STAG2: variants seen among roughly 807,000 people sequenced by gnomAD.
STAG2 encodes the protein STAG2 cohesin complex component.
STAG2 carries 14 observed loss-of-function variants against 108.1 expected under a neutral mutation model. The observed-to-expected ratio is 0.13, with a 90% CI of 0.09 to 0.20. The LOEUF (loss-of-function observed/expected upper bound fraction) is 0.20, where lower values mean the gene tolerates loss of function less well. Among genes scored for constraint, STAG2 ranks in the 10% least tolerant of loss-of-function variants. The probability of loss-of-function intolerance (pLI) is 1.00; values close to 1 mark genes in which losing one functional copy is unlikely to be tolerated. For synonymous variants in STAG2, 307 were observed against 302.7 expected (o/e 1.01, Z -0.15); for missense variants, 440 against 940.9 (o/e 0.47, Z 6.96).
At chrX:123,988,669 A>G (rs1262098894) in intron 1 of STAG2, among the ~76,000 whole-genome samples, 1 of 111,901 alleles carries the variant, frequency 8.9e-6, no homozygotes, top group Non-Finnish European at 1.9e-5. Context: ...TTCCATAAAA[A>G]AGACTGGTTG....
At chrX:124,055,874 G>A (rs2058181293) in intron 13 of STAG2, among the ~76,000 whole-genome samples, 1 of 111,535 alleles carries the variant, frequency 9.0e-6, no homozygotes, top group Admixed American at 9.5e-5. Context: ...TTTTCTGTTA[G>A]CATCCATGTG....
At chrX:124,036,044 ATTTCT>A (rs761319084) in intron 5 of STAG2, among the ~76,000 whole-genome samples, 86 of 112,542 alleles carry the variant, frequency 7.6e-4, no homozygotes, top group African/African-American at 2.6e-3. Flanking sequence ...TACTGAGCAC[ATTTCT>A]TTTGTAAATT....
At chrX:124,022,953 A>G (rs1250225972) in intron 3 of STAG2, among the ~76,000 whole-genome samples, 2 of 112,175 alleles carry the variant, frequency 1.8e-5, no homozygotes, top group Non-Finnish European at 3.8e-5. Context: ...TGCAATAGCA[A>G]CTGTTTTGAG....
chrX:124,022,893 G>A (rs1184205062), intron 3 of STAG2, among the ~76,000 whole-genome samples: 1 of 111,892 alleles, frequency 8.9e-6, no homozygotes, highest in Non-Finnish European at 1.9e-5. Context: ...TAGTTTACAT[G>A]CTGCAGTTTA....
chrX:124,100,638 A>G lies in STAG2; in HGVS notation c.*41A>G, dbSNP rs1475960121. ...AAATCTGTGGTGAAGTCATTTTCTA[A>G]GTGGAAGAGGAAATTTTAAAGTGTG... On this transcript the variant is annotated 3_prime_UTR_variant, in exon 35 of 35. Transcript: ENST00000371145. 4 of 1,103,713 alleles carry G rather than the reference A, an allele frequency of 3.6e-6. No homozygotes were observed. In the Admixed American group the frequency reaches 6.7e-5, roughly 18 times the overall value. The allele number at this position is 1,103,713 out of a possible 1,213,427, so 91.0% of individuals were successfully genotyped here. A position where few individuals can be genotyped will look rare whatever the true frequency, so the allele number is the denominator to read the frequency against.
chrX:124,075,335 G>A (rs1268878587), intron 25 of STAG2, among the ~76,000 whole-genome samples: 2 of 111,590 alleles, frequency 1.8e-5, no homozygotes, highest in Non-Finnish European at 3.8e-5. Flanking sequence ...GTGCAGTGGC[G>A]TGATCTTGGC....
chrX:124,001,053 A>C (rs1026859320), intron 1 of STAG2, among the ~76,000 whole-genome samples: 7 of 112,182 alleles, frequency 6.2e-5, no homozygotes, highest in African/African-American at 2.3e-4. Flanking sequence ...CAAAAAAGTT[A>C]CAGTAAATGA....
Position 123,962,963 on chromosome X carries a change from C to G in STAG2, c.-163+1107C>G, listed in dbSNP as rs764261398. ...TCTTAAACCACCATGATGGGACTTG[C>G]TTAAGCACGAAGCTTCTTTTCCTGT... On this transcript the variant is annotated intron_variant, in intron 1 of 34. Coordinates refer to ENST00000371145, the MANE Select transcript of STAG2 (RefSeq NM_001042750.2). Among the ~76,000 whole-genome samples the G allele has an allele frequency of 2.7e-5, 3 of 112,222 alleles. No homozygotes were observed. In the Admixed American group the frequency reaches 2.8e-4, roughly 11 times the overall value.
chrX:124,013,167 A>G (rs1266342493), intron 1 of STAG2, among the ~76,000 whole-genome samples: 1 of 111,733 alleles, frequency 8.9e-6, no homozygotes, highest in East Asian at 2.8e-4. Flanking sequence ...ATACCAGCTA[A>G]TATGGTCTCA....
chrX:124,069,331 A>G (rs1745986010), intron 24 of STAG2, among the ~76,000 whole-genome samples: 1 of 112,189 alleles, frequency 8.9e-6, no homozygotes. Context: ...AGAACTATTA[A>G]TATGGTATAG....
chrX:124,047,825 A>G (rs1329512692), intron 9 of STAG2, among the ~76,000 whole-genome samples: 1 of 111,999 alleles, frequency 8.9e-6, no homozygotes, highest in East Asian at 2.8e-4. Context: ...AGATTTCACA[A>G]TTAAAATCAC....
In STAG2 at chrX:124,090,660, C is replaced by T. The variant is rs1411274890; in HGVS notation, c.3363C>T (p.Leu1121=). 8.3e-7 allele frequency: 1 copy of T among 1,209,173 alleles called. No individual in the cohort carries two copies. Among genetic ancestry groups the T allele is most frequent in the Non-Finnish European group, 1.1e-6 (1 of 894,726 alleles). The change falls in exon 31 of 35, where the codon CTC becomes CTT. Residue 1121 remains leucine (L), a synonymous_variant. Transcript: ENST00000371145. ...HTPVMMQTPQ[L]TSTIMREPKR... ...CTGTTATGATGCAGACACCACAACT[C>T]ACCTCCACTATTATGAGAGAGCCCA... is the stretch of plus-strand genomic sequence containing the variant.
intron 6 of STAG2, among the ~76,000 whole-genome samples, chrX:124,038,045 C>T (rs988434197): frequency 9.0e-6 from 1 of 111,681 alleles, no homozygotes; most frequent in Non-Finnish European, 1.9e-5. Flanking sequence ...AAGTAAGTTA[C>T]GTTAAGTAAG....
chrX:124,046,679 A>G (rs2057889420), intron 8 of STAG2, among the ~76,000 whole-genome samples: 1 of 111,945 alleles, frequency 8.9e-6, no homozygotes, highest in Non-Finnish European at 1.9e-5. Context: ...AGAATCTTGT[A>G]TCAGGAGTAA....
At chrX:124,001,751 C>G (rs1286382871) in intron 1 of STAG2, among the ~76,000 whole-genome samples, 1 of 112,013 alleles carries the variant, frequency 8.9e-6, no homozygotes, top group Non-Finnish European at 1.9e-5. Context: ...TAAGCCTAGG[C>G]TATACCATCC....
At position 124,065,907 on chromosome X, in the gene STAG2, A is replaced by G; in HGVS notation, c.2057A>G (p.Gln686Arg). ...GEEPDEDDAY[Q>R]VLSTLKRITA... is the part of the protein sequence containing the mutation. ...GAACCTGATGAAGATGATGCATATC[A>G]GGTATTGTCAACATTGAAGAGGATC... Residue 686 changes from glutamine to arginine, a missense_variant, in exon 21 of 35, where the codon CAG becomes CGG. This residue lies in a region of STAG2 where 337 missense variants were observed against 649.3 expected (regional missense o/e 0.52). Transcript: ENST00000371145. 8.5e-7 allele frequency: 1 copy of G among 1,177,165 alleles called. No individual in the cohort carries two copies. Among genetic ancestry groups the G allele is most frequent in the African/African-American group, 1.8e-5 (1 of 56,251 alleles).
chrX:124,005,853 T>C lies in STAG2; in HGVS notation c.-162-15514T>C, dbSNP rs146402651. Among the ~76,000 whole-genome samples the C allele has an allele frequency of 7.3e-3, 817 of 111,489 alleles. 7 individuals are homozygous for C. The highest frequency in any genetic ancestry group is 0.025 in the African/African-American group (770 of 30,644). ...TCCAAGATCAAGGAGTTGGCAGGGT[T>C]AGTTCCTTCTGAGAGAATCTATTCT... is the stretch of plus-strand genomic sequence containing the variant. On this transcript the variant is annotated intron_variant, in intron 1 of 34. Coordinates refer to ENST00000371145, the MANE Select transcript of STAG2 (RefSeq NM_001042750.2).
Position 124,002,792 on chromosome X carries a change from T to TTTTC in STAG2, c.-162-18555_-162-18552dup, listed in dbSNP as rs370929220. Among the ~76,000 whole-genome samples the TTTTC allele has an allele frequency of 1.3e-3, 138 of 106,108 alleles. 1 individual carries two copies. The highest frequency in any genetic ancestry group is 9.6e-3 in the Middle Eastern group (2 of 209). The allele number at this position is 106,108 out of a possible 115,157, so 92.1% of individuals were successfully genotyped here. ...GGTGCCTGCCACCACGCTTGGCAAT[T>TTTTC]TTTCTTTCTTTCTTTCTTTCTTTTT... On this transcript the variant is annotated intron_variant, in intron 1 of 34. Transcript: ENST00000371145.
chrX:124,065,611 A>G (rs1302370272), intron 20 of STAG2, among the ~76,000 whole-genome samples: 2 of 111,529 alleles, frequency 1.8e-5, no homozygotes, highest in Non-Finnish European at 3.8e-5. Flanking sequence ...AGATGCCTTT[A>G]TAATTTTGTG....
Sources: allele counts gnomAD v4.1 joint callset (sites outside exome capture counted in the v4.1 genomes callset), GRCh38; gene constraint gnomAD v4.1.1; regional missense constraint gnomAD v4.1.1; transcripts MANE v1.5; gene names NCBI Gene and HGNC (gene_info 2026-07-23, HGNC 2026-07-21).